The following IGSF10 variants were observed in gnomAD, a reference collection of about 807,000 sequenced individuals.
The protein encoded by IGSF10 is calvaria mechanical force protein 608.
Under a neutral mutation model 128.2 loss-of-function variants are expected in IGSF10, and 126 were observed. The observed-to-expected ratio is 0.98, with a 90% CI of 0.85 to 1.14. IGSF10 has a LOEUF of 1.14. Ranked by LOEUF, IGSF10 falls within the 50% of genes most tolerant of loss-of-function variation. The probability of loss-of-function intolerance (pLI) is 0.00; values close to 1 mark genes in which losing one functional copy is unlikely to be tolerated. For synonymous variants in IGSF10, 1,185 were observed against 1,146.2 expected, an observed-to-expected ratio of 1.03 and a Z score of -0.68; for missense variants, 3,295 against 3,149.8, an observed-to-expected ratio of 1.05 and a Z score of -1.10.
At chr3:151,517,746 A>G in the IGSF10 span, among the ~76,000 whole-genome samples, 1 of 151,972 alleles carries the variant, frequency 6.6e-6, no homozygotes, top group African/African-American at 2.4e-5. Flanking sequence ...CTAAGTACCA[A>G]AAGACCAGAC....
At chr3:151,542,760 C>T in the IGSF10 span, among the ~76,000 whole-genome samples, 2,494 of 152,218 alleles carry the variant, frequency 0.016, 23 homozygotes, top group South Asian at 0.026. Context: ...TGTTAGATTA[C>T]GTCCTTTCAA....
At chr3:151,504,890 C>T in the IGSF10 span, among the ~76,000 whole-genome samples, 3 of 152,338 alleles carry the variant, frequency 2.0e-5, no homozygotes, top group African/African-American at 7.2e-5. Context: ...TCCTCATCTC[C>T]ATCTGAGATG....
chr3:151,561,378 T>C, the IGSF10 span, among the ~76,000 whole-genome samples: 1 of 152,184 alleles, frequency 6.6e-6, no homozygotes. Context: ...CTATTTCCTC[T>C]TTTTAATCTC....
the IGSF10 span, among the ~76,000 whole-genome samples, chr3:151,512,973 T>C: frequency 6.0e-4 from 91 of 152,246 alleles, no homozygotes; most frequent in Middle Eastern, 3.4e-3. Context: ...CAATAATTAA[T>C]AGCTTACCAA....
chr3:151,610,840 A>G, the IGSF10 span, among the ~76,000 whole-genome samples: 1 of 152,194 alleles, frequency 6.6e-6, no homozygotes, highest in Non-Finnish European at 1.5e-5. Flanking sequence ...TTATCCTTGT[A>G]TAGGACCCAC....
At chr3:151,442,267 G>A (rs1720897980) in intron 7 of IGSF10, among the ~76,000 whole-genome samples, 1 of 151,964 alleles carries the variant, frequency 6.6e-6, no homozygotes, top group Non-Finnish European at 1.5e-5. Context: ...GTCGAATAGG[G>A]GACTCAGACG....
At chr3:151,575,849 C>T in the IGSF10 span, among the ~76,000 whole-genome samples, 10 of 152,134 alleles carry the variant, frequency 6.6e-5, no homozygotes, top group East Asian at 1.9e-4. Flanking sequence ...CCTATTCGGC[C>T]ATCTTGGAAC....
chr3:151,572,019 C>T, the IGSF10 span, among the ~76,000 whole-genome samples: 5 of 152,056 alleles, frequency 3.3e-5, no homozygotes, highest in South Asian at 2.1e-4. Context: ...TGACGGATTA[C>T]GTTTATTGGT....
the IGSF10 span, among the ~76,000 whole-genome samples, chr3:151,500,056 C>A: frequency 2.0e-5 from 3 of 152,106 alleles, no homozygotes; most frequent in Non-Finnish European, 4.4e-5. Context: ...GCAGCATGAT[C>A]ATTTAATATC....
At chr3:151,529,213 C>T in the IGSF10 span, among the ~76,000 whole-genome samples, 1,893 of 152,278 alleles carry the variant, frequency 0.012, 15 homozygotes, top group South Asian at 0.03. Flanking sequence ...CATTCAGGGA[C>T]TTGTAGATAA....
At chr3:151,578,236 G>A in the IGSF10 span, among the ~76,000 whole-genome samples, 2 of 152,094 alleles carry the variant, frequency 1.3e-5, no homozygotes, top group African/African-American at 4.8e-5. Flanking sequence ...TAACTGTAGG[G>A]TAAGTGTAAG....
chr3:151,510,801 G>C, the IGSF10 span, among the ~76,000 whole-genome samples: 1 of 152,178 alleles, frequency 6.6e-6, no homozygotes, highest in African/African-American at 2.4e-5. Context: ...CACGGCACAA[G>C]AACCACGTGA....
the IGSF10 span, among the ~76,000 whole-genome samples, chr3:151,530,541 G>T: frequency 2.0e-5 from 3 of 152,128 alleles, no homozygotes; most frequent in Non-Finnish European, 4.4e-5. Context: ...AGAAGAGAGT[G>T]GGGGGCAGGG....
At chr3:151,599,521 G>A in the IGSF10 span, among the ~76,000 whole-genome samples, 1 of 152,100 alleles carries the variant, frequency 6.6e-6, no homozygotes, top group East Asian at 1.9e-4. Flanking sequence ...ATCAGGGGTG[G>A]AAAATTACAG....
chr3:151,546,122 G>A, the IGSF10 span, among the ~76,000 whole-genome samples: 1 of 151,572 alleles, frequency 6.6e-6, no homozygotes, highest in Non-Finnish European at 1.5e-5. Flanking sequence ...TAGTGCAGTG[G>A]TTCTCAACCT....
chr3:151,487,795 AC>A, the IGSF10 span, among the ~76,000 whole-genome samples: 2 of 152,022 alleles, frequency 1.3e-5, no homozygotes, highest in African/African-American at 4.8e-5. Context: ...CATGCTAAAA[AC>A]TCTCAATAAA....
the IGSF10 span, among the ~76,000 whole-genome samples, chr3:151,520,906 C>T: frequency 6.6e-6 from 1 of 151,206 alleles, no homozygotes; most frequent in Non-Finnish European, 1.5e-5. Flanking sequence ...TAAAAAATGG[C>T]TAAATGCCCC....
At chr3:151,587,152 G>A in the IGSF10 span, among the ~76,000 whole-genome samples, 3 of 152,074 alleles carry the variant, frequency 2.0e-5, no homozygotes, top group African/African-American at 7.2e-5. Context: ...CAACATCCAT[G>A]CAGCCTCTCT....
the IGSF10 span, among the ~76,000 whole-genome samples, chr3:151,563,617 C>T: frequency 6.6e-6 from 1 of 152,000 alleles, no homozygotes; most frequent in Non-Finnish European, 1.5e-5. Flanking sequence ...GAGTTGTCAC[C>T]AACAACAGTA....
Sources: gnomAD v4.1 joint callset for allele counts (sites outside exome capture counted in the v4.1 genomes callset) on GRCh38, gnomAD v4.1.1 for gene constraint, MANE v1.5 for transcripts, NCBI Gene and HGNC (gene_info 2026-07-23, HGNC 2026-07-21) for gene names.